RAB27B: variants seen among roughly 807,000 people sequenced by gnomAD.
RAB27B encodes the protein RAB27B, member RAS oncogene family.
In RAB27B, 15 loss-of-function variants were observed where a neutral mutation model predicts 24.6. The ratio of observed to expected loss-of-function variants is 0.61; its 90% CI spans 0.41 to 0.94. RAB27B has a LOEUF of 0.94. RAB27B is among the 40% of genes least tolerant of loss of function. The pLI is 0.00. For synonymous variants in RAB27B, 105 were observed against 92.5 expected (o/e 1.14, Z -0.78); for missense variants, 261 against 266.8 (o/e 0.98, Z 0.15).
At chr18:54,875,733 C>A (rs1912669658) in intron 1 of RAB27B, among the ~76,000 whole-genome samples, 1 of 152,050 alleles carries the variant, frequency 6.6e-6, no homozygotes, top group African/African-American at 2.4e-5. Context: ...TAACGTAAAG[C>A]AATGCAAATA....
intron 1 of RAB27B, among the ~76,000 whole-genome samples, chr18:54,833,132 A>C (rs761468242): frequency 6.6e-6 from 1 of 152,194 alleles, no homozygotes; most frequent in Non-Finnish European, 1.5e-5. Flanking sequence ...CTTGGGAAAA[A>C]ATGCTCAGGA....
Position 54,851,101 on chromosome 18 carries a change from A to G in RAB27B, c.-20+22401A>G, listed in dbSNP as rs375035808. Among the ~76,000 whole-genome samples the G allele has an allele frequency of 2.6e-5, 4 of 152,248 alleles. No homozygotes were observed. The East Asian group carries it at 7.7e-4, about 29-fold the overall frequency. The stretch of plus-strand genomic sequence containing the variant: ...ATTTGAGTTATAGTCCGGCAACTCA[A>G]CAAGTGTTTGTTAATATTCTATATA... On this transcript the variant is annotated intron_variant, in intron 1 of 5. Transcript: ENST00000262094.
chr18:54,831,116 G>T (rs1033359812), intron 1 of RAB27B, among the ~76,000 whole-genome samples: 1 of 152,162 alleles, frequency 6.6e-6, no homozygotes, highest in Non-Finnish European at 1.5e-5. Flanking sequence ...GAAGTGCTCA[G>T]CAGAGAGTAT....
chr18:54,884,952 C>T (rs919387513), intron 4 of RAB27B, among the ~76,000 whole-genome samples: 2 of 152,178 alleles, frequency 1.3e-5, no homozygotes, highest in East Asian at 1.9e-4. Context: ...TCAGTCAGCT[C>T]GCTTGGGAAT....
chr18:54,752,657 C>T (rs939547347), intron 2 of RAB27B, among the ~76,000 whole-genome samples: 2 of 152,092 alleles, frequency 1.3e-5, no homozygotes, highest in African/African-American at 4.8e-5. Flanking sequence ...GGAAGGTAGG[C>T]AATTGACTGG....
chr18:54,850,893 G>T (rs1911559710), intron 1 of RAB27B, among the ~76,000 whole-genome samples: 1 of 151,442 alleles, frequency 6.6e-6, no homozygotes, highest in African/African-American at 2.4e-5. Context: ...AAAAGAAAAG[G>T]GCTGTGGATT....
chr18:54,878,461 G>A (rs1299414844), intron 2 of RAB27B, among the ~76,000 whole-genome samples: 1 of 152,146 alleles, frequency 6.6e-6, no homozygotes, highest in Non-Finnish European at 1.5e-5. Flanking sequence ...CATTCCCTGA[G>A]AATTGGGAAA....
chr18:54,830,342 C>T (rs1910625862), intron 1 of RAB27B, among the ~76,000 whole-genome samples: 1 of 152,176 alleles, frequency 6.6e-6, no homozygotes, highest in South Asian at 2.1e-4. Context: ...CTTTTCCCAC[C>T]CTCACTCCTG....
At chr18:54,888,279 C>A in intron 5 of RAB27B, 161 bp downstream of exon 5, 1 of 717,030 alleles carries the variant, frequency 1.4e-6, no homozygotes, top group Non-Finnish European at 2.1e-6. Context: ...TAATGAATTA[C>A]TTAATAATAA....
intron 2 of RAB27B, among the ~76,000 whole-genome samples, chr18:54,748,135 C>T (rs1568051054): frequency 6.6e-6 from 1 of 151,944 alleles, no homozygotes; most frequent in South Asian, 2.1e-4. Context: ...AAAAACAAGA[C>T]TTTCTCAGTG....
chr18:54,801,542 A>G (rs981079839), intron 2 of RAB27B, among the ~76,000 whole-genome samples: 1 of 152,098 alleles, frequency 6.6e-6, no homozygotes, highest in African/African-American at 2.4e-5. Context: ...TTGCCCATCT[A>G]GGCCTGTTGA....
intron 2 of RAB27B, among the ~76,000 whole-genome samples, chr18:54,722,498 C>T (rs1047355347): frequency 1.3e-5 from 2 of 152,158 alleles, no homozygotes; most frequent in African/African-American, 4.8e-5. Flanking sequence ...GGGCTCAGCC[C>T]ATCACATCCC....
intron 2 of RAB27B, among the ~76,000 whole-genome samples, chr18:54,774,276 G>A (rs1908648057): frequency 6.6e-6 from 1 of 152,196 alleles, no homozygotes; most frequent in Non-Finnish European, 1.5e-5. Context: ...ATATTAGCAT[G>A]TTAATAGGTA....
At chr18:54,811,705 A>G (rs1161595755) in intron 2 of RAB27B, among the ~76,000 whole-genome samples, 1 of 152,122 alleles carries the variant, frequency 6.6e-6, no homozygotes, top group Non-Finnish European at 1.5e-5. Context: ...AATTCAATGG[A>G]ACTGTGTTTT....
chr18:54,883,902 C>T (rs1345834134), intron 3 of RAB27B, among the ~76,000 whole-genome samples: 1 of 152,142 alleles, frequency 6.6e-6, no homozygotes, highest in Non-Finnish European at 1.5e-5. Context: ...TCCTTCATAT[C>T]ATCACAGGCA....
intron 1 of RAB27B, among the ~76,000 whole-genome samples, chr18:54,866,561 G>A (rs1198111296): frequency 6.6e-6 from 1 of 152,226 alleles, no homozygotes; most frequent in Non-Finnish European, 1.5e-5. Context: ...GCCTCCCAAA[G>A]TACTGGGATT....
chr18:54,745,863 T>C, intron 2 of RAB27B, among the ~76,000 whole-genome samples: 1 of 147,388 alleles, frequency 6.8e-6, no homozygotes, highest in East Asian at 2.0e-4. Context: ...TAATATTTAA[T>C]AAAATAAATA....
At chr18:54,844,870 T>C (rs1293936486) in intron 1 of RAB27B, among the ~76,000 whole-genome samples, 1 of 152,188 alleles carries the variant, frequency 6.6e-6, no homozygotes, top group East Asian at 1.9e-4. Flanking sequence ...TGGGTGTCTT[T>C]ATGTGTGGGT....
chr18:54,719,112 T>C (rs1314772770), intron 2 of RAB27B, among the ~76,000 whole-genome samples: 1 of 152,164 alleles, frequency 6.6e-6, no homozygotes, highest in Non-Finnish European at 1.5e-5. Context: ...AAAGAAAATA[T>C]TTAACTAAGA....
Sources: gnomAD v4.1 joint callset for allele counts (sites outside exome capture counted in the v4.1 genomes callset) on GRCh38, gnomAD v4.1.1 for gene constraint, MANE v1.5 for transcripts, NCBI Gene and HGNC (gene_info 2026-07-23, HGNC 2026-07-21) for gene names.